The following SCN9A variants were observed in gnomAD, a reference collection of about 807,000 sequenced individuals.
The protein encoded by SCN9A is sodium voltage-gated channel alpha subunit 9.
Under a neutral mutation model 187.0 loss-of-function variants are expected in SCN9A, and 131 were observed. The ratio of observed to expected loss-of-function variants is 0.70; its 90% CI spans 0.61 to 0.81. SCN9A has a LOEUF of 0.81. Among genes scored for constraint, SCN9A ranks in the 30% least tolerant of loss-of-function variants. The pLI, the probability that SCN9A is intolerant of heterozygous loss-of-function variation, is 0.00. For synonymous variants in SCN9A, 809 were observed against 808.6 expected (o/e 1.00, Z -0.01); for missense variants, 2,252 against 2,396.6 (o/e 0.94, Z 1.26).
intron 1 of SCN9A, among the ~76,000 whole-genome samples, chr2:166,334,346 T>C (rs1699578408): frequency 6.6e-6 from 1 of 152,122 alleles, no homozygotes; most frequent in African/African-American, 2.4e-5. Flanking sequence ...TCAGATGCTG[T>C]TTGAGCAGCG....
chr2:166,363,044 G>A (rs921381368), intron 1 of SCN9A, among the ~76,000 whole-genome samples: 1 of 151,904 alleles, frequency 6.6e-6, no homozygotes, highest in Non-Finnish European at 1.5e-5. Flanking sequence ...CCTCCACAAG[G>A]ATTGTCTAAA....
intron 16 of SCN9A, among the ~76,000 whole-genome samples, chr2:166,274,734 ACACT>A (rs898341551): frequency 2.6e-5 from 4 of 152,158 alleles, no homozygotes; most frequent in Non-Finnish European, 2.9e-5. Context: ...CACGAATGAA[ACACT>A]CACCAATATA....
chr2:166,243,761 A>G (rs1194182281), intron 18 of SCN9A, among the ~76,000 whole-genome samples: 1 of 151,976 alleles, frequency 6.6e-6, no homozygotes, highest in Admixed American at 6.6e-5. Flanking sequence ...ATTGAGGTTG[A>G]GGAGTAAGTA....
intron 24 of SCN9A, among the ~76,000 whole-genome samples, chr2:166,221,053 C>T (rs962231337): frequency 1.3e-5 from 2 of 151,904 alleles, no homozygotes; most frequent in Admixed American, 1.3e-4. Context: ...GAAAGAAATC[C>T]CATTTATGAT....
chr2:166,199,004 G>T lies in SCN9A; in HGVS notation c.5635C>A (p.Pro1879Thr). ...SANPSKVSYE[P>T]ITTTLKRKQE... ...TTCCGTTTTAGTGTGGTTGTGATGGGTTCATAGGACACTTTGGAAGGATTT... is the reference window on the plus strand; with the variant it reads ...TTCCGTTTTAGTGTGGTTGTGATGGTTTCATAGGACACTTTGGAAGGATTT... Residue 1879 changes from proline to threonine, a missense_variant, in exon 27 of 27, where the codon CCC becomes ACC. By Grantham distance (38) the Pro-to-Thr change is conservative. Coordinates refer to ENST00000642356, the MANE Select transcript of SCN9A (RefSeq NM_001365536.1). The T allele has an allele frequency of 6.2e-7, 1 of 1,614,004 alleles. No individual in the cohort carries two copies. The highest frequency in any genetic ancestry group is 8.5e-7 in the Non-Finnish European group (1 of 1,179,966).
intron 24 of SCN9A, among the ~76,000 whole-genome samples, chr2:166,209,982 A>G (rs1694007538): frequency 6.6e-6 from 1 of 152,222 alleles, no homozygotes; most frequent in South Asian, 2.1e-4. Flanking sequence ...ATTATAAATC[A>G]TGCTGCTATA....
At chr2:166,366,538 G>C (rs1336092963) in intron 1 of SCN9A, among the ~76,000 whole-genome samples, 1 of 152,118 alleles carries the variant, frequency 6.6e-6, no homozygotes, top group Non-Finnish European at 1.5e-5. Context: ...TCATATGGTA[G>C]TTCTATTTTT....
In SCN9A at chr2:166,340,434, G is replaced by A. The variant is rs151120735; in HGVS notation, c.-50-28628C>T. Among the ~76,000 whole-genome samples the A allele has an allele frequency of 1.0e-3, 157 of 151,910 alleles. 1 individual carries two copies. Among genetic ancestry groups the A allele is most frequent in the African/African-American group, 3.1e-3 (129 of 41,460 alleles). ...TTTTTTAAAAATCAGGCTTCTAATC[G>A]TTAAGACTTAGTCCTCTAATCATAT... On this transcript the variant is annotated intron_variant, in intron 1 of 26. Transcript: ENST00000642356.
chr2:166,275,660 A>G (rs1697204145), intron 16 of SCN9A, among the ~76,000 whole-genome samples: 1 of 152,090 alleles, frequency 6.6e-6, no homozygotes, highest in Non-Finnish European at 1.5e-5. Context: ...AAACAAAGAG[A>G]ATGTGCATTT....
chr2:166,261,430 G>A (rs568444406), intron 17 of SCN9A, among the ~76,000 whole-genome samples: 20 of 151,940 alleles, frequency 1.3e-4, no homozygotes, highest in South Asian at 6.2e-4. Context: ...CTTCTGCTTC[G>A]TTCTATTTCT....
chr2:166,306,658 G>A, intron 3 of SCN9A, 59 bp from the exon 4 acceptor site: 1 of 1,175,834 alleles, frequency 8.5e-7, no homozygotes, highest in South Asian at 1.3e-5. Context: ...ATTTGAGGAT[G>A]ACACTTGTTG....
chr2:166,268,172 A>G (rs968520204), intron 17 of SCN9A, among the ~76,000 whole-genome samples: 2 of 152,024 alleles, frequency 1.3e-5, no homozygotes, highest in Non-Finnish European at 2.9e-5. Context: ...AATCTTTATT[A>G]CAATCTATTT....
chr2:166,329,467 T>C (rs1451135918), intron 1 of SCN9A, among the ~76,000 whole-genome samples: 4 of 152,204 alleles, frequency 2.6e-5, no homozygotes, highest in East Asian at 3.9e-4. Context: ...CATGATGCTA[T>C]TGGATACATG....
Position 166,199,511 on chromosome 2 carries a change from T to C in SCN9A, c.5128A>G (p.Ser1710Gly). 6.2e-7 allele frequency: 1 copy of C among 1,614,218 alleles called. No homozygotes were observed. Among genetic ancestry groups the C allele is most frequent in the Non-Finnish European group, 8.5e-7 (1 of 1,180,046 alleles). Residue 1710 changes from serine (S) to glycine (G), a missense_variant, in exon 27 of 27, where the codon AGT (serine) becomes GGT (glycine). By Grantham distance (56) the Ser-to-Gly change is moderately conservative (BLOSUM62 0). Around this residue, in one of 7 missense-constraint regions of SCN9A, gnomAD observed 345 missense variants for 344.6 expected, o/e 1.00. Coordinates refer to ENST00000642356, the MANE Select transcript of SCN9A (RefSeq NM_001365536.1). The stretch of plus-strand genomic sequence containing the variant: ...TTTGGGTCACAGTCGGGTGGCTTAC[T>C]GTTAAGAATAGGTGCTAGCAATCCA... ...WDGLLAPILN[S>G]KPPDCDPKKV...
At chr2:166,257,029 G>T (rs1371953729) in intron 17 of SCN9A, among the ~76,000 whole-genome samples, 2 of 151,612 alleles carry the variant, frequency 1.3e-5, no homozygotes, top group African/African-American at 4.8e-5. Flanking sequence ...GTATCATCTT[G>T]AAGCATCTTT....
At chr2:166,271,435 G>C (rs1457373464) in intron 17 of SCN9A, among the ~76,000 whole-genome samples, 2 of 152,078 alleles carry the variant, frequency 1.3e-5, no homozygotes, top group Non-Finnish European at 2.9e-5. Context: ...AGTGTGGAGA[G>C]TGTTTATGAC....
At chr2:166,241,074 C>T (rs980689372) in intron 19 of SCN9A, among the ~76,000 whole-genome samples, 1 of 152,152 alleles carries the variant, frequency 6.6e-6, no homozygotes, top group African/African-American at 2.4e-5. Flanking sequence ...GACCCAAGCA[C>T]CTCATATCTT....
In SCN9A at chr2:166,204,182, G is replaced by A. The variant is rs779201398; in HGVS notation, c.4547C>T (p.Ala1516Val). 3.1e-6 allele frequency: 5 copies of A among 1,612,014 alleles called. No individual in the cohort carries two copies. The highest frequency in any genetic ancestry group is 4.2e-6 in the Non-Finnish European group (5 of 1,178,638). The change falls in exon 26 of 27, where the codon GCC becomes GTC. Residue 1516 changes from alanine (A) to valine (V), a missense_variant. Transcript: ENST00000642356. Reference protein sequence around the residue: ...GCIFDLVTNQAFDISIMVLIC... With the variant: ...GCIFDLVTNQVFDISIMVLIC... ...AAGAACCATGATACTAATATCAAAG[G>A]CTTGATTTGTCACTAGGTCAAATAT...
In SCN9A at chr2:166,195,467, C is replaced by T. The variant is rs200148433; in HGVS notation, c.*3205G>A. ...GTGGCCTTCATACATAGGTCCTAAACCCAGGCCAATTCCCTGGCCATCCTA... is the reference window on the plus strand; with the variant it reads ...GTGGCCTTCATACATAGGTCCTAAATCCAGGCCAATTCCCTGGCCATCCTA... On this transcript the variant is annotated 3_prime_UTR_variant, in exon 27 of 27. Coordinates refer to ENST00000642356, the MANE Select transcript of SCN9A (RefSeq NM_001365536.1). The T allele has an allele frequency of 6.6e-6, 1 of 152,164 alleles. No homozygotes were observed. Among genetic ancestry groups the T allele is most frequent in the Non-Finnish European group, 1.5e-5 (1 of 68,024 alleles). The allele number at this position is 152,164 out of a possible 1,614,324, so 9.4% of individuals were successfully genotyped here.
Sources: allele counts gnomAD v4.1 joint callset (sites outside exome capture counted in the v4.1 genomes callset), GRCh38; gene constraint gnomAD v4.1.1; regional missense constraint gnomAD v4.1.1; transcripts MANE v1.5; gene names NCBI Gene and HGNC (gene_info 2026-07-23, HGNC 2026-07-21).